CALHM3: variants seen among roughly 807,000 people sequenced by gnomAD.
The protein encoded by CALHM3 is calcium homeostasis modulator protein 3.
CALHM3 carries 9 observed loss-of-function variants against 13.6 expected under a neutral mutation model. The observed-to-expected ratio is 0.66, with a 90% confidence interval of 0.40 to 1.15. The LOEUF is 1.15. Among genes scored for constraint, CALHM3 ranks in the 50% most tolerant of loss-of-function variants. The pLI is 0.01. For missense variants in CALHM3, 497 were observed against 463.4 expected (o/e 1.07, Z -0.67); for synonymous variants, 231 against 213.2 (o/e 1.08, Z -0.73).
Position 103,479,027 on chromosome 10 carries a change from A to G in CALHM3, c.6T>C (p.Asp2=). 1 of 1,548,600 alleles carries G rather than the reference A, an allele frequency of 6.5e-7. No homozygotes were observed. The highest frequency in any genetic ancestry group is 8.7e-7 in the Non-Finnish European group (1 of 1,145,276). Residue 2 remains aspartate, a synonymous_variant, in exon 1 of 3, where the codon GAT becomes GAC. Coordinates refer to ENST00000369783, the MANE Select transcript of CALHM3 (RefSeq NM_001129742.2). M[D]KFRMLFQHFQ... ...AGTGCTGGAAGAGCATGCGGAATTT[A>G]TCCATGGCTCCAGCCTGGGTGGGTG...
Position 103,472,984 on chromosome 10 carries a change from C to A in CALHM3, c.*229G>T, listed in dbSNP as rs1050745119. The A allele has an allele frequency of 2.4e-6, 1 of 415,718 alleles. No homozygotes were observed. Among genetic ancestry groups the A allele is most frequent in the Non-Finnish European group, 4.1e-6 (1 of 242,970 alleles). 25.8% of individuals were successfully genotyped at this position (415,718 alleles called of 1,614,324 possible). On this transcript the variant is annotated 3_prime_UTR_variant, in exon 3 of 3. Coordinates refer to ENST00000369783, the MANE Select transcript of CALHM3 (RefSeq NM_001129742.2). ...TCAGACTCGGTCCTGGCTACACTGT[C>A]TGAACCTGTATTTAACAAGGCCCTC...
rs1212080204 is a variant in CALHM3, at chr10:103,473,668, C to A, written c.580G>T (p.Ala194Ser). The A allele has an allele frequency of 3.9e-6, 6 of 1,550,122 alleles. No homozygotes were observed. The highest frequency in any genetic ancestry group is 5.2e-6 in the Non-Finnish European group (6 of 1,146,804). Reference protein sequence around the residue: ...GWSVTLLLIIAAFLARCLRPC... With the variant: ...GWSVTLLLIISAFLARCLRPC... ...CTCAGGCAGCGGGCCAGGAAGGCCG[C>A]GATGATCAGCAGCAGGGTGACGCTC... Residue 194 changes from alanine to serine, a missense_variant, in exon 3 of 3, where the codon GCG becomes TCG. By Grantham distance (99) the Ala-to-Ser change is moderately conservative (BLOSUM62 1). Transcript: ENST00000369783.
In CALHM3 at chr10:103,473,517, A is replaced by C. The variant is rs1169609766; in HGVS notation, c.731T>G (p.Leu244Arg). The change falls in exon 3 of 3, where the codon CTG becomes CGG. Residue 244 changes from leucine to arginine, a missense_variant. Transcript: ENST00000369783. ...ACTCCGCATGCTGGCAAAGAAGTGC[A>C]GCACGCAGCGGTGCGCGAAGTCCCG... ...HARDFAHRCVLHFFASMRSEL... is the reference protein window; with the variant it reads ...HARDFAHRCVRHFFASMRSEL... 1 of 1,551,034 alleles carries C rather than the reference A, an allele frequency of 6.4e-7. No individual in the cohort carries two copies. Among genetic ancestry groups the C allele is most frequent in the African/African-American group, 1.4e-5 (1 of 73,062 alleles).
chr10:103,474,488 C>T (rs187914268), intron 2 of CALHM3, among the ~76,000 whole-genome samples: 2 of 152,102 alleles, frequency 1.3e-5, no homozygotes, highest in African/African-American at 4.8e-5. Context: ...TGGAGTCTTG[C>T]TCTGTTGCCC....
In CALHM3 at chr10:103,478,759, G is replaced by T; in HGVS notation, c.274C>A (p.Pro92Thr). The change falls in exon 1 of 3, where the codon CCA becomes ACA. Residue 92 changes from proline to threonine, a missense_variant. Coordinates refer to ENST00000369783, the MANE Select transcript of CALHM3 (RefSeq NM_001129742.2). ...GTGGGACCGCACCTGATGATGCCTGGGTCCTTCCTCCGGTGCCCTGCGGGC... is the reference window on the plus strand; with the variant it reads ...GTGGGACCGCACCTGATGATGCCTGTGTCCTTCCTCCGGTGCCCTGCGGGC... ...RRPAGHRRKDPGIIRYMCSSV... is the reference protein window; with the variant it reads ...RRPAGHRRKDTGIIRYMCSSV... 6.5e-7 allele frequency: 1 copy of T among 1,533,372 alleles called. No individual in the cohort carries two copies. The highest frequency in any genetic ancestry group is 8.8e-7 in the Non-Finnish European group (1 of 1,137,268). The allele number at this position is 1,533,372 out of a possible 1,614,324, so 95.0% of individuals were successfully genotyped here.
At position 103,473,280 on chromosome 10, in the gene CALHM3, C is replaced by T. The variant is rs933732778; in HGVS notation, c.968G>A (p.Gly323Asp). The T allele has an allele frequency of 4.8e-6, 7 of 1,463,536 alleles. No individual in the cohort carries two copies. The highest frequency in any genetic ancestry group is 6.3e-6 in the Non-Finnish European group (7 of 1,104,858). 90.7% of individuals were successfully genotyped at this position (1,463,536 alleles called of 1,614,324 possible). A position where few individuals can be genotyped will look rare whatever the true frequency, so the allele number is the denominator to read the frequency against. Reference protein sequence around the residue: ...DLAASPGLCGGGLSHRAPTLA... With the variant: ...DLAASPGLCGDGLSHRAPTLA... ...GGTAGGGGCGCGGTGGCTAAGGCCA[C>T]CCCCGCAGAGCCCGGGGGATGCAGC... Residue 323 changes from glycine (G) to aspartate (D), a missense_variant, in exon 3 of 3, where the codon GGT becomes GAT. Physicochemically the swap from Gly to Asp is moderately conservative, Grantham distance 94. Coordinates refer to ENST00000369783, the MANE Select transcript of CALHM3 (RefSeq NM_001129742.2).
chr10:103,473,946 A>G (rs1341935847), intron 2 of CALHM3, among the ~76,000 whole-genome samples: 2 of 152,228 alleles, frequency 1.3e-5, no homozygotes, highest in Non-Finnish European at 2.9e-5. Flanking sequence ...ATAAATTGAG[A>G]AGAATGAACG....
At chr10:103,478,435 G>T (rs2033414855) in intron 1 of CALHM3, among the ~76,000 whole-genome samples, 1 of 152,236 alleles carries the variant, frequency 6.6e-6, no homozygotes, top group African/African-American at 2.4e-5. Flanking sequence ...TTTTCCCGCA[G>T]CCCCTAGAGT....
intron 1 of CALHM3, among the ~76,000 whole-genome samples, chr10:103,478,467 T>G (rs1332352311): frequency 1.3e-5 from 2 of 152,252 alleles, no homozygotes; most frequent in East Asian, 3.8e-4. Context: ...TTGGGAATCC[T>G]GTGTCATTCC....
At position 103,476,506 on chromosome 10, in the gene CALHM3, G is replaced by T; in HGVS notation, c.331C>A (p.Leu111Met). The T allele has an allele frequency of 6.4e-7, 1 of 1,551,620 alleles. No homozygotes were observed. ...SVLQRALAAP[L>M]VWILLALLDG... ...AGGAGGGCCAGCAGGATCCAGACCA[G>T]GGGGGCGGCCAGCGCCCTCTGCAGC... is the stretch of plus-strand genomic sequence containing the variant. Residue 111 changes from leucine to methionine, a missense_variant, in exon 2 of 3, where the codon CTG becomes ATG. Physicochemically the swap from Leu to Met is conservative, Grantham distance 15. Coordinates refer to ENST00000369783, the MANE Select transcript of CALHM3 (RefSeq NM_001129742.2).
chr10:103,477,369 T>C (rs907280594), intron 1 of CALHM3, among the ~76,000 whole-genome samples: 2 of 152,190 alleles, frequency 1.3e-5, no homozygotes, highest in African/African-American at 2.4e-5. Flanking sequence ...CCAGTGCCTG[T>C]GACCCACCCT....
intron 1 of CALHM3, among the ~76,000 whole-genome samples, chr10:103,477,439 C>T (rs1226595380): frequency 6.6e-6 from 1 of 152,178 alleles, no homozygotes; most frequent in Non-Finnish European, 1.5e-5. Flanking sequence ...GCTGAGGGTG[C>T]ACCGGATGCA....
At position 103,476,428 on chromosome 10, in the gene CALHM3, A is replaced by G. The variant is rs2033389338; in HGVS notation, c.409T>C (p.Phe137Leu). ...GGGGTCATGTTGGCAAAGTCCAGAA[A>G]CTTCTCAGGGTCCACAGAGCTGCTG... ...AFSSSVDPEK[F>L]LDFANMTPSQ... Residue 137 changes from phenylalanine (F) to leucine (L), a missense_variant, in exon 2 of 3, where the codon TTT becomes CTT. By Grantham distance (22) the Phe-to-Leu change is conservative. Transcript: ENST00000369783. 6.4e-7 allele frequency: 1 copy of G among 1,551,694 alleles called. No homozygotes were observed. The highest frequency in any genetic ancestry group is 8.7e-7 in the Non-Finnish European group (1 of 1,147,008).
Position 103,472,970 on chromosome 10 carries a change from C to T in CALHM3, c.*243G>A. 1 of 402,800 alleles carries T rather than the reference C, an allele frequency of 2.5e-6. No individual in the cohort carries two copies. Among genetic ancestry groups the T allele is most frequent in the Non-Finnish European group, 4.3e-6 (1 of 233,170 alleles). 25.0% of individuals were successfully genotyped at this position (402,800 alleles called of 1,614,324 possible). On this transcript the variant is annotated 3_prime_UTR_variant, in exon 3 of 3. Transcript: ENST00000369783. ...TAAAATGCAGAATCTCAGACTCGGT[C>T]CTGGCTACACTGTCTGAACCTGTAT...
Position 103,473,481 on chromosome 10 carries a change from G to T in CALHM3, c.767C>A (p.Ala256Glu), listed in dbSNP as rs1228516421. Residue 256 changes from alanine (A) to glutamate (E), a missense_variant, in exon 3 of 3, where the codon GCG becomes GAG. Transcript: ENST00000369783. The part of the protein sequence containing the change: ...FFASMRSELQ[A>E]RGLRRGNAGR... ...TGCATTGCCCCGGCGCAGCCCCCGC[G>T]CCTGCAGCTCACTCCGCATGCTGGC... 1 of 1,549,448 alleles carries T rather than the reference G, an allele frequency of 6.5e-7. No individual in the cohort carries two copies. The highest frequency in any genetic ancestry group is 1.2e-5 in the South Asian group (1 of 83,906).
At chr10:103,477,607 T>G (rs924667250) in intron 1 of CALHM3, among the ~76,000 whole-genome samples, 4 of 152,310 alleles carry the variant, frequency 2.6e-5, no homozygotes, top group Admixed American at 1.3e-4. Context: ...TCTTGCTCTG[T>G]CGCACAGGCT....
chr10:103,474,409 A>AT (rs1554885779), intron 2 of CALHM3, among the ~76,000 whole-genome samples: 2 of 146,754 alleles, frequency 1.4e-5, no homozygotes, highest in Non-Finnish European at 3.0e-5. Flanking sequence ...CTACTCATCC[A>AT]CCCCCCCCAT....
At chr10:103,475,283 A>G (rs2033375972) in intron 2 of CALHM3, among the ~76,000 whole-genome samples, 1 of 152,204 alleles carries the variant, frequency 6.6e-6, no homozygotes, top group East Asian at 1.9e-4. Flanking sequence ...AAGCTCTCTC[A>G]TTTGGCATCT....
At position 103,473,549 on chromosome 10, in the gene CALHM3, C is replaced by T; in HGVS notation, c.699G>A (p.Glu233=). ...EQKLFDETCC[E]HARDFAHRCV... ...AGCGGTGCGCGAAGTCCCGCGCATG[C>T]TCACAGCAGGTCTCGTCGAAGAGCT... The change falls in exon 3 of 3, where the codon GAG becomes GAA. Residue 233 remains glutamate (E), a synonymous_variant. Coordinates refer to ENST00000369783, the MANE Select transcript of CALHM3 (RefSeq NM_001129742.2). 1 of 1,551,258 alleles carries T rather than the reference C, an allele frequency of 6.4e-7. No homozygotes were observed.
Sources: gnomAD v4.1 joint callset for allele counts (sites outside exome capture counted in the v4.1 genomes callset) on GRCh38, gnomAD v4.1.1 for gene constraint, MANE v1.5 for transcripts, NCBI Gene and HGNC (gene_info 2026-07-23, HGNC 2026-07-21) for gene names.